The following WNK4 variants were observed in gnomAD, a reference collection of about 807,000 sequenced individuals.
The protein encoded by WNK4 is WNK lysine deficient protein kinase 4, also known as serine/threonine-protein kinase WNK4.
WNK4 carries 94 observed loss-of-function variants against 116.2 expected under a neutral mutation model. The ratio of observed to expected loss-of-function variants is 0.81; its 90% confidence interval spans 0.68 to 0.96. The LOEUF is 0.96. Among genes scored for constraint, WNK4 ranks in the 40% least tolerant of loss-of-function variants. The probability of loss-of-function intolerance (pLI) is 0.00; values close to 1 mark genes in which losing one functional copy is unlikely to be tolerated. For synonymous variants in WNK4, 655 were observed against 672.7 expected (o/e 0.97, Z 0.41); for missense variants, 1,542 against 1,650.6 (o/e 0.93, Z 1.14).
At chr17:42,788,878 C>T in intron 11 of WNK4, 81 bp downstream of exon 11, 3 of 1,136,148 alleles carry the variant, frequency 2.6e-6, no homozygotes, top group Non-Finnish European at 4.0e-6. Flanking sequence ...GGCTGAAACC[C>T]ACTGATCCGA....
intron 2 of WNK4, chr17:42,783,570 T>C: frequency 2.9e-6 from 1 of 349,360 alleles, no homozygotes; most frequent in Non-Finnish European, 5.4e-6. Context: ...CTGGGAAGTC[T>C]CCATCCCTTC....
intron 2 of WNK4, 110 bp downstream of exon 2, chr17:42,783,040 T>G: frequency 2.8e-6 from 4 of 1,414,294 alleles, no homozygotes; most frequent in Non-Finnish European, 3.9e-6. Flanking sequence ...TAAAACCAGG[T>G]TCACCATCTC....
chr17:42,788,463 CA>C, intron 10 of WNK4, 56 bp downstream of exon 10: 2 of 1,567,922 alleles, frequency 1.3e-6, no homozygotes, highest in Admixed American at 1.7e-5. Context: ...AGGGAAGTGT[CA>C]GGGGGAGGCG....
In WNK4 at chr17:42,785,275, C is replaced by T. The variant is rs1351634399; in HGVS notation, c.1269C>T (p.Ile423=). 1 of 1,610,180 alleles carries T rather than the reference C, an allele frequency of 6.2e-7. No individual in the cohort carries two copies. Among genetic ancestry groups the T allele is most frequent in the Non-Finnish European group, 8.5e-7 (1 of 1,178,544 alleles). Residue 423 remains isoleucine, a synonymous_variant, in exon 6 of 19, where the codon ATC becomes ATT. Transcript: ENST00000246914. ...IRTDKNERFT[I]QDLLAHAFFR... ...CACGCGTCACCCTCAGGTTCACCATCCAGGACCTCCTGGCCCACGCCTTCT... is the reference window on the plus strand; with the variant it reads ...CACGCGTCACCCTCAGGTTCACCATTCAGGACCTCCTGGCCCACGCCTTCT...
Position 42,788,795 on chromosome 17 carries a change from A to ATGGTGAGG in WNK4, c.2156_2157+6dup. The ATGGTGAGG allele has an allele frequency of 6.2e-7, 1 of 1,612,478 alleles. No individual in the cohort carries two copies. The highest frequency in any genetic ancestry group is 8.5e-7 in the Non-Finnish European group (1 of 1,178,488). On this transcript the variant is annotated frameshift_variant and splice_region_variant, in exon 11 of 19. Transcript: ENST00000246914. LOFTEE classifies it high-confidence loss of function. ...CAGCCCGGAAGAGATTGCAGCTGCCATGGTGAGGGGGAGAGAGATGAGGAC... is the reference window on the plus strand; with the variant it reads ...CAGCCCGGAAGAGATTGCAGCTGCCATGGTGAGGTGGTGAGGGGGAGAGAGATGAGGAC...
intron 8 of WNK4, 78 bp downstream of exon 8, chr17:42,787,977 A>G: frequency 6.3e-7 from 1 of 1,598,862 alleles, no homozygotes; most frequent in Non-Finnish European, 8.5e-7. Flanking sequence ...ACCCAATCTC[A>G]TGATCCAGTC....
Position 42,787,857 on chromosome 17 carries a change from G to A in WNK4, c.1821G>A (p.Gly607=), listed in dbSNP as rs764710581. The part of the protein sequence containing the change: ...ASDPALQPPG[G]VPSSLAESHL... Reference sequence around the variant, plus strand: ...ACCCTGCCCTTCAGCCCCCTGGGGGGGTGCCATCCAGCCTGGCTGAGTCCC... The same window carrying A: ...ACCCTGCCCTTCAGCCCCCTGGGGGAGTGCCATCCAGCCTGGCTGAGTCCC... The change falls in exon 8 of 19, where the codon GGG becomes GGA. Residue 607 remains glycine, a synonymous_variant. Coordinates refer to ENST00000246914, the MANE Select transcript of WNK4 (RefSeq NM_032387.5). The A allele has an allele frequency of 1.2e-6, 2 of 1,611,844 alleles. No homozygotes were observed. The highest frequency in any genetic ancestry group is 1.7e-5 in the Admixed American group (1 of 60,010).
At position 42,797,061 on chromosome 17, in the gene WNK4, C is replaced by T; in HGVS notation, c.*373C>T. On this transcript the variant is annotated 3_prime_UTR_variant, in exon 19 of 19. Transcript: ENST00000246914. ...CAGCAACCAATAAAAATGCTGGAAA[C>T]AAGAACGCCGTGAATCCATATGCCA... 2 of 307,350 alleles carry T rather than the reference C, an allele frequency of 6.5e-6. No homozygotes were observed. Among genetic ancestry groups the T allele is most frequent in the Non-Finnish European group, 6.1e-6 (1 of 163,434 alleles). 19.0% of individuals were successfully genotyped at this position (307,350 alleles called of 1,614,324 possible).
Position 42,781,266 on chromosome 17 carries a change from C to A in WNK4, c.568C>A (p.Arg190=), listed in dbSNP as rs903890876. ...IGRGSFKTVY[R]GLDTDTTVEV... ...ACGTGGCTCCTTCAAGACGGTGTAT[C>A]GAGGGCTAGACACCGACACCACAGT... The change falls in exon 1 of 19, where the codon CGA becomes AGA. Residue 190 remains arginine (R), a synonymous_variant. Coordinates refer to ENST00000246914, the MANE Select transcript of WNK4 (RefSeq NM_032387.5). 3.7e-6 allele frequency: 6 copies of A among 1,614,002 alleles called. No individual in the cohort carries two copies. The African/African-American group carries it at 6.7e-5, about 18-fold the overall frequency.
intron 6 of WNK4, among the ~76,000 whole-genome samples, chr17:42,786,921 C>A (rs955877909): frequency 4.6e-5 from 7 of 152,160 alleles, no homozygotes; most frequent in Non-Finnish European, 7.3e-5. Context: ...TTGAGAAGAA[C>A]CCCTGGCTTC....
In WNK4 at chr17:42,796,808, G is replaced by A; in HGVS notation, c.*120G>A. 1 of 1,605,824 alleles carries A rather than the reference G, an allele frequency of 6.2e-7. No homozygotes were observed. Among genetic ancestry groups the A allele is most frequent in the Non-Finnish European group, 8.5e-7 (1 of 1,173,344 alleles). On this transcript the variant is annotated 3_prime_UTR_variant, in exon 19 of 19. Coordinates refer to ENST00000246914, the MANE Select transcript of WNK4 (RefSeq NM_032387.5). ...CAAGGAAGATCCCAACACTGAAGGG[G>A]TAGAAGGCCAGGGGGGCATGGAGAG...
chr17:42,787,292 G>T lies in WNK4; in HGVS notation c.1491G>T (p.Leu497Phe). 6.2e-7 allele frequency: 1 copy of T among 1,614,024 alleles called. No homozygotes were observed. Residue 497 changes from leucine to phenylalanine, a missense_variant, in exon 7 of 19, where the codon TTG becomes TTT. Physicochemically the swap from Leu to Phe is conservative, Grantham distance 22. Around this residue, in one of 7 missense-constraint regions of WNK4, gnomAD observed 808 missense variants for 873.6 expected, o/e 0.92. Transcript: ENST00000246914. ...CCCAATTCCAGGTGGCTCTGGGCTT[G>T]GTCTGTGAAGCCGATTACCAGCCAG... is the stretch of plus-strand genomic sequence containing the variant. ...EVAQEMVALG[L>F]VCEADYQPVA...
chr17:42,796,418 G>A, intron 17 of WNK4, 63 bp from the exon 18 acceptor site: 1 of 1,613,656 alleles, frequency 6.2e-7, no homozygotes. Flanking sequence ...CGGGGGAATA[G>A]ACCCCCTCTC....
intron 4 of WNK4, 63 bp from the exon 5 acceptor site, chr17:42,785,034 G>A: frequency 2.0e-6 from 3 of 1,522,846 alleles, no homozygotes; most frequent in Non-Finnish European, 2.7e-6. Context: ...AGGGGTGGGG[G>A]GTGGTGTCAA....
In WNK4 at chr17:42,782,892, G is replaced by T. The variant is rs576841252; in HGVS notation, c.753G>T (p.Val251=). Residue 251 remains valine, a synonymous_variant, in exon 2 of 19, where the codon GTG becomes GTT. Transcript: ENST00000246914. This position sits in a 1 kb window ranked among gnomAD's most constrained non-coding sequence, Gnocchi z 4.2. ...KSVLRGQVCI[V]LVTELMTSGT... is the part of the protein sequence containing the mutation. ...TGCTGAGGGGCCAGGTTTGCATCGT[G>T]CTGGTCACCGAACTCATGACCTCGG... 1.2e-6 allele frequency: 2 copies of T among 1,614,206 alleles called. No individual in the cohort carries two copies. The highest frequency in any genetic ancestry group is 1.3e-5 in the African/African-American group (1 of 75,044).
chr17:42,793,795 G>A lies in WNK4; in HGVS notation c.2295+66G>A, dbSNP rs558936576. On this transcript the variant is annotated intron_variant, in intron 12 of 18. Transcript: ENST00000246914. ...TCTGCTCCAGGGTTTATTACTCTCT[G>A]CCCTCAGCGGTCCCCTTGGATTTAA... is the stretch of plus-strand genomic sequence containing the variant. 22 of 1,598,614 alleles carry A rather than the reference G, an allele frequency of 1.4e-5. No individual in the cohort carries two copies. The African/African-American group carries it at 2.0e-4, about 15-fold the overall frequency.
chr17:42,781,304 G>T lies in WNK4; in HGVS notation c.606G>T (p.Trp202Cys). The change falls in exon 1 of 19, where the codon TGG becomes TGT. Residue 202 changes from tryptophan to cysteine, a missense_variant. Transcript: ENST00000246914. Reference protein sequence around the residue: ...LDTDTTVEVAWCELQTRKLSR... With the variant: ...LDTDTTVEVACCELQTRKLSR... ...CCGACACCACAGTGGAGGTGGCCTG[G>T]TGTGAGCTGCAGGTGCGGCTGGGAG... 6.2e-7 allele frequency: 1 copy of T among 1,614,210 alleles called. No individual in the cohort carries two copies. The highest frequency in any genetic ancestry group is 8.5e-7 in the Non-Finnish European group (1 of 1,180,038).
chr17:42,787,232 A>T, intron 6 of WNK4, 46 bp from the exon 7 acceptor site: 1 of 1,610,700 alleles, frequency 6.2e-7, no homozygotes, highest in Non-Finnish European at 8.5e-7. Context: ...TGGATCTTTG[A>T]TAGGGGGTCC....
chr17:42,781,330 C>T lies in WNK4; in HGVS notation c.618+14C>T. On this transcript the variant is annotated intron_variant, in intron 1 of 18. Coordinates refer to ENST00000246914, the MANE Select transcript of WNK4 (RefSeq NM_032387.5). The stretch of plus-strand genomic sequence containing the variant: ...TGTGAGCTGCAGGTGCGGCTGGGAG[C>T]CCCCTCGGTGGCACCTTGGGATGGG... 6.2e-7 allele frequency: 1 copy of T among 1,613,986 alleles called. No homozygotes were observed. The highest frequency in any genetic ancestry group is 8.5e-7 in the Non-Finnish European group (1 of 1,179,992).
Sources: allele counts gnomAD v4.1 joint callset (sites outside exome capture counted in the v4.1 genomes callset), GRCh38; gene constraint gnomAD v4.1.1; regional missense constraint gnomAD v4.1.1; non-coding constraint Gnocchi (gnomAD v3.1); transcripts MANE v1.5; gene names NCBI Gene and HGNC (gene_info 2026-07-23, HGNC 2026-07-21).